The following SOX5 variants were observed in gnomAD, a reference collection of about 807,000 sequenced individuals.
SOX5 encodes the protein SRY-box transcription factor 5, also known as transcription factor SOX-5.
Under a neutral mutation model 92.0 loss-of-function variants are expected in SOX5, and 9 were observed. That is an observed-to-expected ratio of 0.10 (90% CI 0.06 to 0.17). The LOEUF is 0.17. Ranked by LOEUF, SOX5 falls within the 10% of genes least tolerant of loss-of-function variation. The pLI, the probability that SOX5 is intolerant of heterozygous loss-of-function variation, is 1.00. For synonymous variants in SOX5, 344 were observed against 336.3 expected (o/e 1.02, Z -0.25); for missense variants, 642 against 944.5 (o/e 0.68, Z 4.20).
chr12:24,058,767 G>C (rs565189798), intron 4 of SOX5, among the ~76,000 whole-genome samples: 11 of 151,694 alleles, frequency 7.3e-5, no homozygotes, highest in Admixed American at 6.6e-4. Flanking sequence ...ACCTTCATCA[G>C]GTTGCTGTAA....
At chr12:23,993,860 A>G (rs1444435245) in intron 4 of SOX5, among the ~76,000 whole-genome samples, 2 of 145,434 alleles carry the variant, frequency 1.4e-5, no homozygotes, top group African/African-American at 5.1e-5. Context: ...CTCCCTCCCT[A>G]TGAAATGTAT....
chr12:23,562,643 T>C lies in SOX5; in HGVS notation c.1488+615A>G, dbSNP rs73089348. Among the ~76,000 whole-genome samples the C allele has an allele frequency of 1.6e-3, 240 of 152,304 alleles. 3 individuals carry two copies. The highest frequency in any genetic ancestry group is 1.9e-3 in the Non-Finnish European group (128 of 68,024). ...TAATATTTTTCTAAATAAAACACCATGTAGGCTTAGACAAAAGGGCTTGAA... is the reference window on the plus strand; with the variant it reads ...TAATATTTTTCTAAATAAAACACCACGTAGGCTTAGACAAAAGGGCTTGAA... On this transcript the variant is annotated intron_variant, in intron 11 of 14. Coordinates refer to ENST00000451604, the MANE Select transcript of SOX5 (RefSeq NM_006940.6).
At chr12:24,528,284 G>A (rs960398592) in intron 1 of SOX5, among the ~76,000 whole-genome samples, 1 of 151,920 alleles carries the variant, frequency 6.6e-6, no homozygotes, top group Non-Finnish European at 1.5e-5. Flanking sequence ...CCCCTTTTAT[G>A]GAAAATATAA....
intron 13 of SOX5, among the ~76,000 whole-genome samples, chr12:23,539,605 TAAA>T (rs35395976): frequency 4.0e-4 from 56 of 141,118 alleles, no homozygotes; most frequent in East Asian, 6.1e-4. Context: ...TGGTCTGGCT[TAAA>T]AAAAAAAAAA....
At chr12:23,864,839 C>T (rs1008114566) in intron 2 of SOX5, among the ~76,000 whole-genome samples, 3 of 152,124 alleles carry the variant, frequency 2.0e-5, no homozygotes, top group Admixed American at 2.0e-4. Flanking sequence ...GAAGACCTAG[C>T]TAAGATAATT....
At chr12:24,547,298 T>C (rs989418873) in intron 1 of SOX5, among the ~76,000 whole-genome samples, 1 of 151,044 alleles carries the variant, frequency 6.6e-6, no homozygotes, top group Admixed American at 6.6e-5. Flanking sequence ...TTCACGCCAT[T>C]CTCCTGCCTC....
chr12:24,312,161 G>C (rs774830474), intron 2 of SOX5, among the ~76,000 whole-genome samples: 10 of 152,128 alleles, frequency 6.6e-5, no homozygotes, highest in Non-Finnish European at 1.5e-5. Context: ...GTGGGAAATG[G>C]ATTTAAATCT....
At chr12:24,181,992 G>C (rs1352878929) in intron 4 of SOX5, among the ~76,000 whole-genome samples, 1 of 152,094 alleles carries the variant, frequency 6.6e-6, no homozygotes, top group Non-Finnish European at 1.5e-5. Flanking sequence ...TATGCTACCA[G>C]ATTTGTTTTC....
At chr12:24,277,298 T>C (rs375746333) in exon 3 of SOX5, 3 of 151,600 alleles carry the variant, frequency 2.0e-5, no homozygotes, top group African/African-American at 7.3e-5. Context: ...AATCATGTCA[T>C]CAGCAAGAGG....
At chr12:23,651,941 A>T (rs900323269) in intron 7 of SOX5, among the ~76,000 whole-genome samples, 2 of 151,962 alleles carry the variant, frequency 1.3e-5, no homozygotes, top group Non-Finnish European at 2.9e-5. Context: ...AAATACCAAC[A>T]TAAGCAATTT....
chr12:24,470,970 T>G (rs1204551637), intron 1 of SOX5, among the ~76,000 whole-genome samples: 2 of 152,214 alleles, frequency 1.3e-5, no homozygotes, highest in African/African-American at 4.8e-5. Context: ...GATTTTAACT[T>G]TAACTTTCAT....
At chr12:24,499,118 G>A (rs1160892576) in intron 1 of SOX5, among the ~76,000 whole-genome samples, 2 of 152,074 alleles carry the variant, frequency 1.3e-5, no homozygotes, top group Non-Finnish European at 2.9e-5. Flanking sequence ...AGCATGCATC[G>A]CCATCAGAAA....
At chr12:23,766,343 A>G (rs2094725455) in intron 3 of SOX5, among the ~76,000 whole-genome samples, 1 of 152,160 alleles carries the variant, frequency 6.6e-6, no homozygotes, top group South Asian at 2.1e-4. Flanking sequence ...TATATACTAC[A>G]TATTTTTCCA....
At chr12:24,154,092 A>T (rs1239925169) in intron 4 of SOX5, among the ~76,000 whole-genome samples, 1 of 152,104 alleles carries the variant, frequency 6.6e-6, no homozygotes, top group Non-Finnish European at 1.5e-5. Flanking sequence ...CAAACAGCTT[A>T]TGAGATTCTT....
intron 4 of SOX5, among the ~76,000 whole-genome samples, chr12:24,208,341 G>A (rs1180940878): frequency 6.6e-6 from 1 of 152,144 alleles, no homozygotes; most frequent in African/African-American, 2.4e-5. Flanking sequence ...CCCAAGTCCT[G>A]TGGAGTTAGG....
At chr12:23,872,830 A>T (rs1406409611) in intron 2 of SOX5, among the ~76,000 whole-genome samples, 1 of 152,208 alleles carries the variant, frequency 6.6e-6, no homozygotes, top group South Asian at 2.1e-4. Flanking sequence ...CAAGAAAAGG[A>T]GGCAGCAACT....
intron 2 of SOX5, among the ~76,000 whole-genome samples, chr12:23,874,576 T>C (rs963019190): frequency 6.6e-6 from 1 of 152,132 alleles, no homozygotes; most frequent in African/African-American, 2.4e-5. Context: ...ACATCGGAAA[T>C]AGTACGGGCA....
chr12:24,190,667 A>G (rs1303404673), intron 4 of SOX5, among the ~76,000 whole-genome samples: 1 of 152,212 alleles, frequency 6.6e-6, no homozygotes, highest in African/African-American at 2.4e-5. Context: ...AGACTCTTAG[A>G]TAAGCTTGGT....
intron 2 of SOX5, among the ~76,000 whole-genome samples, chr12:24,282,111 G>C (rs999687992): frequency 6.6e-6 from 1 of 152,154 alleles, no homozygotes; most frequent in African/African-American, 2.4e-5. Context: ...TTGCTATGCT[G>C]TTGTTTCCTA....
Sources: gnomAD v4.1 joint callset for allele counts (sites outside exome capture counted in the v4.1 genomes callset) on GRCh38, gnomAD v4.1.1 for gene constraint, MANE v1.5 for transcripts, NCBI Gene and HGNC (gene_info 2026-07-23, HGNC 2026-07-21) for gene names.